The following CCDC91 variants were observed in gnomAD, a reference collection of about 807,000 sequenced individuals.
CCDC91 encodes the protein coiled-coil domain-containing protein 91.
Under a neutral mutation model 63.2 loss-of-function variants are expected in CCDC91, and 48 were observed. That is an observed-to-expected ratio of 0.76 (90% CI 0.60 to 0.97). CCDC91 has a LOEUF of 0.97. CCDC91 is among the 50% of genes least tolerant of loss of function. CCDC91 has a pLI of 0.00. For missense variants in CCDC91, 500 were observed against 494.6 expected, an observed-to-expected ratio of 1.01 and a Z score of -0.10; for synonymous variants, 167 against 165.8, an observed-to-expected ratio of 1.01 and a Z score of -0.06.
At chr12:28,333,823 C>G (rs1941708234) in intron 6 of CCDC91, among the ~76,000 whole-genome samples, 1 of 152,100 alleles carries the variant, frequency 6.6e-6, no homozygotes, top group Admixed American at 6.5e-5. Context: ...GTAATTTGTC[C>G]TTTTAAGTTC....
At chr12:28,434,594 G>GTTTTTTTTTTTTTTTTT (rs376645678) in intron 8 of CCDC91, among the ~76,000 whole-genome samples, 2 of 73,434 alleles carry the variant, frequency 2.7e-5, no homozygotes, top group African/African-American at 5.9e-5. Flanking sequence ...CCTTGGTCTG[G>GTTTTTTTTTTTTTTTTT]TTTTTTTTTT....
At chr12:28,365,419 A>C (rs1023780478) in intron 7 of CCDC91, among the ~76,000 whole-genome samples, 4 of 152,228 alleles carry the variant, frequency 2.6e-5, no homozygotes, top group African/African-American at 9.6e-5. Context: ...AAAACAGCTA[A>C]GCACACTCAC....
intron 1 of CCDC91, among the ~76,000 whole-genome samples, chr12:28,252,125 C>G (rs1946153841): frequency 6.6e-6 from 1 of 152,016 alleles, no homozygotes; most frequent in Admixed American, 6.6e-5. Context: ...TTGTTTTTTA[C>G]CTTCCAGTGA....
intron 1 of CCDC91, among the ~76,000 whole-genome samples, chr12:28,238,056 A>C (rs1354258506): frequency 6.6e-6 from 1 of 152,078 alleles, no homozygotes; most frequent in African/African-American, 2.4e-5. Flanking sequence ...GGGCGAGGAA[A>C]ATCTTAACCC....
chr12:28,505,336 T>G (rs926748351), intron 12 of CCDC91: 3 of 151,820 alleles, frequency 2.0e-5, no homozygotes, highest in African/African-American at 7.2e-5. Context: ...ATATTCCATG[T>G]CCTTGAAAGA....
At chr12:28,211,522 C>G (rs1005015575) in intron 1 of CCDC91, among the ~76,000 whole-genome samples, 3 of 152,112 alleles carry the variant, frequency 2.0e-5, no homozygotes, top group African/African-American at 7.2e-5. Context: ...ATAGGCATCC[C>G]TAGATGAGAT....
At chr12:28,207,292 A>G (rs1349389412) in intron 1 of CCDC91, among the ~76,000 whole-genome samples, 10 of 152,126 alleles carry the variant, frequency 6.6e-5, no homozygotes, top group Non-Finnish European at 1.2e-4. Flanking sequence ...AAGGATTTCA[A>G]TGGGTGTACA....
At chr12:28,337,244 C>T (rs1233788021) in intron 6 of CCDC91, among the ~76,000 whole-genome samples, 1 of 152,094 alleles carries the variant, frequency 6.6e-6, no homozygotes, top group Non-Finnish European at 1.5e-5. Flanking sequence ...TTCCATAATA[C>T]TTCCACCAAA....
At chr12:28,225,764 A>C (rs1944233106) in intron 1 of CCDC91, 1 of 152,142 alleles carries the variant, frequency 6.6e-6, no homozygotes. Flanking sequence ...GCCTCCCACT[A>C]CCTTTCTAAC....
chr12:28,226,936 T>A (rs1000633636), intron 1 of CCDC91, among the ~76,000 whole-genome samples: 3 of 152,282 alleles, frequency 2.0e-5, no homozygotes, highest in Middle Eastern at 6.8e-3. Context: ...CTTGACAGTT[T>A]TGAGGAGTAT....
chr12:28,378,486 A>C (rs1162854733), intron 7 of CCDC91, among the ~76,000 whole-genome samples: 3 of 152,048 alleles, frequency 2.0e-5, no homozygotes, highest in African/African-American at 7.2e-5. Context: ...GTTCTTTTCC[A>C]AGGAGAGAGA....
rs1252738999 is a variant in CCDC91 at position 28,307,543 on chromosome 12, A to G, written c.472-102A>G. On this transcript the variant is annotated intron_variant, in intron 5 of 12. Coordinates refer to ENST00000536442, the MANE Select transcript of CCDC91 (RefSeq NM_018318.5). ...AGATTTTAAGCCGTACTTCCCATGGATTCTTTCTCTGACAAATGTTTTCTG... is the reference window on the plus strand; with the variant it reads ...AGATTTTAAGCCGTACTTCCCATGGGTTCTTTCTCTGACAAATGTTTTCTG... 4 of 609,224 alleles carry G rather than the reference A, an allele frequency of 6.6e-6. No homozygotes were observed. The Admixed American group carries it at 1.4e-4, about 21-fold the overall frequency. 37.7% of individuals were successfully genotyped at this position (609,224 alleles called of 1,614,324 possible).
At chr12:28,337,848 C>T (rs540710167) in intron 6 of CCDC91, among the ~76,000 whole-genome samples, 5 of 152,058 alleles carry the variant, frequency 3.3e-5, no homozygotes, top group Non-Finnish European at 7.4e-5. Flanking sequence ...TTTGGGATTG[C>T]AATATTTCTT....
chr12:28,395,674 A>G (rs1181388068), intron 8 of CCDC91, among the ~76,000 whole-genome samples: 1 of 152,194 alleles, frequency 6.6e-6, no homozygotes, highest in African/African-American at 2.4e-5. Flanking sequence ...TGATAAGAGT[A>G]TCTGTGGTAG....
intron 11 of CCDC91, among the ~76,000 whole-genome samples, chr12:28,458,848 A>G (rs573214473): frequency 2.6e-5 from 4 of 152,200 alleles, no homozygotes; most frequent in Non-Finnish European, 2.9e-5. Flanking sequence ...TTGACCTCTT[A>G]TGTAGACTTC....
At chr12:28,433,831 C>T (rs1405856341) in intron 8 of CCDC91, among the ~76,000 whole-genome samples, 3 of 151,858 alleles carry the variant, frequency 2.0e-5, no homozygotes, top group African/African-American at 7.2e-5. Context: ...TCTTCTGATT[C>T]ATGATCTCAG....
chr12:28,511,232 T>C (rs1187915595), intron 12 of CCDC91, among the ~76,000 whole-genome samples: 1 of 151,836 alleles, frequency 6.6e-6, no homozygotes, highest in Non-Finnish European at 1.5e-5. Flanking sequence ...CTACTCGCTT[T>C]CACTCTTTCA....
intron 1 of CCDC91, among the ~76,000 whole-genome samples, chr12:28,245,760 C>T (rs909871939): frequency 2.6e-5 from 4 of 152,096 alleles, no homozygotes; most frequent in African/African-American, 9.7e-5. Flanking sequence ...AAATTAAGTA[C>T]AAAATGAGAT....
At chr12:28,435,014 GTC>G (rs1948830274) in intron 8 of CCDC91, among the ~76,000 whole-genome samples, 1 of 151,368 alleles carries the variant, frequency 6.6e-6, no homozygotes, top group Non-Finnish European at 1.5e-5. Context: ...AATTTGTGCC[GTC>G]TCTCTTTTCC....
Sources: allele counts gnomAD v4.1 joint callset (sites outside exome capture counted in the v4.1 genomes callset), GRCh38; gene constraint gnomAD v4.1.1; transcripts MANE v1.5; gene names NCBI Gene and HGNC (gene_info 2026-07-23, HGNC 2026-07-21).